The following CTNNA3 variants were observed in gnomAD, a reference collection of about 807,000 sequenced individuals.
CTNNA3 encodes the protein catenin alpha 3.
In CTNNA3, 76 loss-of-function variants were observed where a neutral mutation model predicts 95.7. That is an observed-to-expected ratio of 0.79 (90% CI 0.66 to 0.96). The LOEUF is 0.96. CTNNA3 is among the 40% of genes least tolerant of loss of function. The pLI is 0.00. For synonymous variants in CTNNA3, 431 were observed against 374.4 expected (o/e 1.15, Z -1.74); for missense variants, 1,191 against 1,089.8 (o/e 1.09, Z -1.31).
chr10:66,892,056 C>A (rs577824538), intron 7 of CTNNA3, among the ~76,000 whole-genome samples: 1 of 151,960 alleles, frequency 6.6e-6, no homozygotes, highest in South Asian at 2.1e-4. Context: ...AAATAAAAAA[C>A]CAAAACAAAA....
intron 5 of CTNNA3, among the ~76,000 whole-genome samples, chr10:67,495,209 A>G (rs1355761221): frequency 4.6e-5 from 7 of 152,048 alleles, no homozygotes; most frequent in Admixed American, 3.9e-4. Context: ...CAAAATTACA[A>G]TGTTTCCTGA....
At position 65,912,793 on chromosome 10, in the gene CTNNA3, CTT is replaced by C. The variant is rs1389534790; in HGVS notation, c.*7535_*7536del. On this transcript the variant is annotated 3_prime_UTR_variant, in exon 18 of 18. Transcript: ENST00000433211. ...TCTATGTCAATGTCATAGGAAAGAGCTTTTTCTATTTCTGGATAAATATTTCA... is the reference window on the plus strand; with the variant it reads ...TCTATGTCAATGTCATAGGAAAGAGCTTTCTATTTCTGGATAAATATTTCA... 1 of 152,094 alleles carries C rather than the reference CTT, an allele frequency of 6.6e-6. No individual in the cohort carries two copies. The highest frequency in any genetic ancestry group is 1.5e-5 in the Non-Finnish European group (1 of 68,018). 9.4% of individuals were successfully genotyped at this position (152,094 alleles called of 1,614,324 possible). A position where few individuals can be genotyped will look rare whatever the true frequency, so the allele number is the denominator to read the frequency against.
intron 9 of CTNNA3, among the ~76,000 whole-genome samples, chr10:66,724,618 G>A (rs549464640): frequency 2.0e-5 from 3 of 152,144 alleles, no homozygotes; most frequent in Non-Finnish European, 4.4e-5. Context: ...ATATCATCTC[G>A]AAATTTAAAA....
intron 7 of CTNNA3, among the ~76,000 whole-genome samples, chr10:66,858,969 C>T (rs972846778): frequency 1.3e-5 from 2 of 151,948 alleles, no homozygotes; most frequent in Non-Finnish European, 2.9e-5. Context: ...TGTATTTTAT[C>T]TAGACCCCAT....
At chr10:66,605,501 C>T (rs761074734) in intron 10 of CTNNA3, among the ~76,000 whole-genome samples, 3 of 152,040 alleles carry the variant, frequency 2.0e-5, no homozygotes, top group Non-Finnish European at 4.4e-5. Flanking sequence ...CCAAGACATA[C>T]AATCATCAGA....
rs77122318 is a variant in CTNNA3, at chr10:67,544,383, C to A, written c.293-4714G>T. Among the ~76,000 whole-genome samples the A allele has an allele frequency of 3.2e-4, 49 of 152,090 alleles. No homozygotes were observed. In the East Asian group the frequency reaches 8.3e-3, roughly 26 times the overall value. ...AAACAGGATGAGCCCTTTGATAGCCCCAGCTTACCACCATGAGAGACTTTC... is the reference window on the plus strand; with the variant it reads ...AAACAGGATGAGCCCTTTGATAGCCACAGCTTACCACCATGAGAGACTTTC... On this transcript the variant is annotated intron_variant, in intron 3 of 17. Transcript: ENST00000433211.
chr10:67,594,841 T>C (rs986726166), intron 3 of CTNNA3, among the ~76,000 whole-genome samples: 6 of 152,162 alleles, frequency 3.9e-5, no homozygotes, highest in African/African-American at 7.2e-5. Flanking sequence ...TCGAGCAGTA[T>C]ACACTGTACC....
At chr10:66,216,328 C>A (rs2088532556) in intron 13 of CTNNA3, among the ~76,000 whole-genome samples, 1 of 152,178 alleles carries the variant, frequency 6.6e-6, no homozygotes, top group Non-Finnish European at 1.5e-5. Flanking sequence ...TATATAAGAC[C>A]TGGATCTGGC....
chr10:67,309,091 C>T (rs1840677146), intron 5 of CTNNA3, among the ~76,000 whole-genome samples: 1 of 152,048 alleles, frequency 6.6e-6, no homozygotes, highest in African/African-American at 2.4e-5. Flanking sequence ...TGACTCATCT[C>T]AAAAAGTTTA....
chr10:66,936,253 A>T (rs1385897486), intron 7 of CTNNA3, among the ~76,000 whole-genome samples: 1 of 152,166 alleles, frequency 6.6e-6, no homozygotes, highest in African/African-American at 2.4e-5. Flanking sequence ...CTAGATATAG[A>T]CGAAAAGAGA....
chr10:66,259,587 TC>T, intron 13 of CTNNA3, among the ~76,000 whole-genome samples: 1 of 152,114 alleles, frequency 6.6e-6, no homozygotes, highest in African/African-American at 2.4e-5. Context: ...CTTCAACTAC[TC>T]AGTGATTCCC....
chr10:65,931,094 C>G (rs1404890677), intron 17 of CTNNA3, among the ~76,000 whole-genome samples: 1 of 152,006 alleles, frequency 6.6e-6, no homozygotes, highest in African/African-American at 2.4e-5. Context: ...GAAGATTCAA[C>G]CATGGTTTAA....
Position 66,068,679 on chromosome 10 carries a change from G to A in CTNNA3, c.2159+629C>T, listed in dbSNP as rs142387615. Among the ~76,000 whole-genome samples the A allele has an allele frequency of 2.1e-3, 317 of 152,160 alleles. 1 individual carries two copies. The highest frequency in any genetic ancestry group is 6.9e-3 in the African/African-American group (288 of 41,520). On this transcript the variant is annotated intron_variant, in intron 15 of 17. Transcript: ENST00000433211. ...ACTGTGGCTTTTATAACTACACCAC[G>A]ACTGAATTATTTTAGTTGTTATAGT...
At chr10:66,644,296 C>G (rs75296959) in intron 9 of CTNNA3, among the ~76,000 whole-genome samples, 14,841 of 91,440 alleles carry the variant, frequency 0.16, 1,101 homozygotes, top group East Asian at 0.44. Context: ...CTGTCTGTCT[C>G]TCTCTCTCTC....
chr10:66,585,321 T>C (rs1843324841), intron 10 of CTNNA3, among the ~76,000 whole-genome samples: 1 of 152,054 alleles, frequency 6.6e-6, no homozygotes, highest in African/African-American at 2.4e-5. Flanking sequence ...CAGGAATATC[T>C]ACAATTCTTA....
intron 14 of CTNNA3, among the ~76,000 whole-genome samples, chr10:66,086,229 T>C (rs1382723277): frequency 6.6e-6 from 1 of 152,112 alleles, no homozygotes; most frequent in Non-Finnish European, 1.5e-5. Context: ...TGAGACAGGA[T>C]ATAGATGAAG....
intron 9 of CTNNA3, among the ~76,000 whole-genome samples, chr10:66,658,960 A>G (rs1431182381): frequency 6.6e-6 from 1 of 152,078 alleles, no homozygotes; most frequent in African/African-American, 2.4e-5. Flanking sequence ...AAATGTTGGG[A>G]TTACAGGTGT....
At chr10:66,014,107 ATTTT>A (rs5785737) in intron 15 of CTNNA3, among the ~76,000 whole-genome samples, 2 of 149,176 alleles carry the variant, frequency 1.3e-5, no homozygotes, top group African/African-American at 2.5e-5. Flanking sequence ...TATACGCATA[ATTTT>A]TTTTTTTTAT....
chr10:67,179,074 A>G (rs1032029605), intron 7 of CTNNA3, among the ~76,000 whole-genome samples: 5 of 152,082 alleles, frequency 3.3e-5, no homozygotes, highest in Non-Finnish European at 7.3e-5. Context: ...GCACCAAATA[A>G]TTTTAGTGCA....
Sources: allele counts gnomAD v4.1 joint callset (sites outside exome capture counted in the v4.1 genomes callset), GRCh38; gene constraint gnomAD v4.1.1; transcripts MANE v1.5; gene names NCBI Gene and HGNC (gene_info 2026-07-23, HGNC 2026-07-21).